Variants in EPB41L5 observed in about 807,000 individuals in gnomAD.
EPB41L5 encodes the protein erythrocyte membrane protein band 4.1 like 5.
In EPB41L5, 55 loss-of-function variants were observed where a neutral mutation model predicts 106.6. That is an observed-to-expected ratio of 0.52 (90% CI 0.42 to 0.65). EPB41L5 has a LOEUF of 0.65. EPB41L5 is among the 30% of genes least tolerant of loss of function. The probability of loss-of-function intolerance (pLI) is 0.00; values close to 1 mark genes in which losing one functional copy is unlikely to be tolerated. For synonymous variants in EPB41L5, 297 were observed against 306.7 expected, an observed-to-expected ratio of 0.97 and a Z score of 0.33; for missense variants, 871 against 882.1, an observed-to-expected ratio of 0.99 and a Z score of 0.16.
chr2:120,079,549 T>C (rs1682496793), intron 10 of EPB41L5, among the ~76,000 whole-genome samples: 1 of 152,174 alleles, frequency 6.6e-6, no homozygotes, highest in Non-Finnish European at 1.5e-5. Flanking sequence ...GGTCACCTGC[T>C]ATGAAGGACC....
At chr2:120,047,440 A>C (rs372904638) in intron 3 of EPB41L5, among the ~76,000 whole-genome samples, 1 of 151,728 alleles carries the variant, frequency 6.6e-6, no homozygotes, top group Admixed American at 6.6e-5. Flanking sequence ...ACGGGAGTTC[A>C]CTCATGATTT....
chr2:120,057,179 C>T lies in EPB41L5; in HGVS notation c.285+15069C>T, dbSNP rs149299288. Among the ~76,000 whole-genome samples, 436 of 152,174 alleles carry T rather than the reference C, an allele frequency of 2.9e-3. 2 individuals carry two copies. Among genetic ancestry groups the T allele is most frequent in the African/African-American group, 0.01 (423 of 41,520 alleles). On this transcript the variant is annotated intron_variant, in intron 3 of 24. Coordinates refer to ENST00000263713, the MANE Select transcript of EPB41L5 (RefSeq NM_020909.4). ...TGCTGGGATTACAAGTGTGAGCTAC[C>T]ACGTCTGGCTGTGTTTTCTCTAAAG...
intron 18 of EPB41L5, among the ~76,000 whole-genome samples, chr2:120,132,731 AAGTAGGGG>A (rs1685758018): frequency 6.6e-6 from 1 of 152,128 alleles, no homozygotes; most frequent in African/African-American, 2.4e-5. Context: ...TATCTCTGTA[AAGTAGGGG>A]AATGCAGGGC....
intron 3 of EPB41L5, among the ~76,000 whole-genome samples, chr2:120,064,540 T>C (rs576004105): frequency 5.9e-5 from 9 of 152,322 alleles, no homozygotes; most frequent in Middle Eastern, 6.8e-3. Context: ...GTTATGTTTG[T>C]GGTTACATAT....
intron 18 of EPB41L5, among the ~76,000 whole-genome samples, chr2:120,133,928 A>G (rs1685812749): frequency 6.6e-6 from 1 of 152,092 alleles, no homozygotes; most frequent in African/African-American, 2.4e-5. Flanking sequence ...CCACAGTAAA[A>G]CAAAGCACCA....
intron 3 of EPB41L5, among the ~76,000 whole-genome samples, chr2:120,051,185 C>G (rs575687730): frequency 2.0e-5 from 3 of 152,332 alleles, no homozygotes; most frequent in Non-Finnish European, 2.9e-5. Context: ...TCAAAGCTGT[C>G]AGACAGGGAC....
chr2:120,115,696 A>G (rs1055438954), intron 16 of EPB41L5, among the ~76,000 whole-genome samples: 3 of 151,898 alleles, frequency 2.0e-5, no homozygotes, highest in African/African-American at 4.8e-5. Context: ...GGCCCTCTCT[A>G]TTTTAAAACA....
At chr2:120,127,211 TTCAC>T (rs1009546381) in intron 16 of EPB41L5, among the ~76,000 whole-genome samples, 8 of 152,192 alleles carry the variant, frequency 5.3e-5, no homozygotes, top group African/African-American at 1.9e-4. Context: ...ACCAGTCCCT[TTCAC>T]TCCATTTTGG....
chr2:120,049,622 G>A (rs1680077940), intron 3 of EPB41L5, among the ~76,000 whole-genome samples: 1 of 152,072 alleles, frequency 6.6e-6, no homozygotes, highest in Non-Finnish European at 1.5e-5. Context: ...TATCCAATTT[G>A]CCAGTCTGTG....
At chr2:120,131,414 C>G (rs1365050160) in intron 17 of EPB41L5, among the ~76,000 whole-genome samples, 3 of 152,126 alleles carry the variant, frequency 2.0e-5, no homozygotes, top group Non-Finnish European at 4.4e-5. Context: ...GGTGGTGTTT[C>G]TACTTAGGAT....
chr2:120,125,411 A>G (rs558134356), intron 16 of EPB41L5, among the ~76,000 whole-genome samples: 3 of 152,168 alleles, frequency 2.0e-5, no homozygotes, highest in Non-Finnish European at 4.4e-5. Flanking sequence ...TAAGGGAGGC[A>G]CTTAGCTCAT....
intron 16 of EPB41L5, among the ~76,000 whole-genome samples, chr2:120,101,912 T>C: frequency 6.6e-6 from 1 of 152,202 alleles, no homozygotes; most frequent in Non-Finnish European, 1.5e-5. Context: ...ACTTTGTGTA[T>C]ATTTGTGTGC....
At chr2:120,088,053 A>G (rs551622636) in intron 11 of EPB41L5, among the ~76,000 whole-genome samples, 1 of 152,236 alleles carries the variant, frequency 6.6e-6, no homozygotes, top group Non-Finnish European at 1.5e-5. Flanking sequence ...ATACAGATAC[A>G]GATAAAAGCA....
chr2:120,166,980 C>T (rs181488780), intron 22 of EPB41L5, among the ~76,000 whole-genome samples: 4 of 152,282 alleles, frequency 2.6e-5, no homozygotes, highest in African/African-American at 9.6e-5. Flanking sequence ...GCGCTTTCTT[C>T]ATGCATACAT....
chr2:120,132,525 T>TCCCGCA (rs1267751770), intron 18 of EPB41L5, among the ~76,000 whole-genome samples: 2 of 152,216 alleles, frequency 1.3e-5, no homozygotes, highest in African/African-American at 4.8e-5. Context: ...TTGTCTTCTG[T>TCCCGCA]CTCGCACTCG....
At chr2:120,068,774 C>T (rs1158025476) in intron 3 of EPB41L5, among the ~76,000 whole-genome samples, 1 of 151,774 alleles carries the variant, frequency 6.6e-6, no homozygotes, top group African/African-American at 2.4e-5. Flanking sequence ...CAAAGACACA[C>T]GCAGGCTCAA....
At chr2:120,048,497 G>C (rs1226856924) in intron 3 of EPB41L5, among the ~76,000 whole-genome samples, 1 of 152,082 alleles carries the variant, frequency 6.6e-6, no homozygotes, top group Non-Finnish European at 1.5e-5. Flanking sequence ...TGTGGGATCA[G>C]TGGTGATATC....
chr2:120,045,819 C>T (rs950746501), intron 3 of EPB41L5, among the ~76,000 whole-genome samples: 1 of 151,626 alleles, frequency 6.6e-6, no homozygotes, highest in Non-Finnish European at 1.5e-5. Flanking sequence ...TCCCCCGTCC[C>T]CCCCTCAATG....
chr2:120,165,078 A>T (rs1574789730), intron 22 of EPB41L5, among the ~76,000 whole-genome samples, 168 bp downstream of exon 22: 1 of 152,342 alleles, frequency 6.6e-6, no homozygotes, highest in Non-Finnish European at 1.5e-5. Context: ...AAATTTTACC[A>T]CTTTGAATTT....
Sources: gnomAD v4.1 joint callset for allele counts (sites outside exome capture counted in the v4.1 genomes callset) on GRCh38, gnomAD v4.1.1 for gene constraint, MANE v1.5 for transcripts, NCBI Gene and HGNC (gene_info 2026-07-23, HGNC 2026-07-21) for gene names.